Variants in SUSD4 observed in about 807,000 individuals in gnomAD.
The protein encoded by SUSD4 is sushi domain-containing protein 4.
Under a neutral mutation model 50.5 loss-of-function variants are expected in SUSD4, and 41 were observed. That is an observed-to-expected ratio of 0.81 (90% CI 0.63 to 1.05). SUSD4 has a LOEUF of 1.05. Ranked by LOEUF, SUSD4 falls within the 50% of genes least tolerant of loss-of-function variation. The pLI, the probability that SUSD4 is intolerant of heterozygous loss-of-function variation, is 0.00. For missense variants in SUSD4, 580 were observed against 634.7 expected (o/e 0.91, Z 0.93); for synonymous variants, 257 against 257.3 (o/e 1.00, Z 0.01).
At chr1:223,342,329 G>T (rs1667804362) in intron 2 of SUSD4, among the ~76,000 whole-genome samples, 1 of 152,186 alleles carries the variant, frequency 6.6e-6, no homozygotes, top group African/African-American at 2.4e-5. Flanking sequence ...TTAAAATAAT[G>T]GAGAGGGTTG....
At chr1:223,301,321 T>C (rs1215560893) in intron 2 of SUSD4, among the ~76,000 whole-genome samples, 1 of 152,196 alleles carries the variant, frequency 6.6e-6, no homozygotes, top group Non-Finnish European at 1.5e-5. Context: ...GACTTGTCAC[T>C]TAAAACATCC....
intron 2 of SUSD4, among the ~76,000 whole-genome samples, chr1:223,316,339 G>T (rs1449288510): frequency 6.6e-6 from 1 of 152,140 alleles, no homozygotes; most frequent in Non-Finnish European, 1.5e-5. Flanking sequence ...TCTGATGGGG[G>T]TGCCGAAATA....
At chr1:223,354,340 CAA>C (rs202177795) in intron 2 of SUSD4, among the ~76,000 whole-genome samples, 8,175 of 134,250 alleles carry the variant, frequency 0.061, 278 homozygotes, top group East Asian at 0.13. Flanking sequence ...CCTCAGCCTC[CAA>C]AAAAAAAAAA....
chr1:223,295,434 T>C (rs1048648549), intron 2 of SUSD4, among the ~76,000 whole-genome samples: 4 of 152,076 alleles, frequency 2.6e-5, no homozygotes, highest in African/African-American at 9.7e-5. Flanking sequence ...TCTCATAATG[T>C]TGGGGTGGGG....
At chr1:223,351,759 G>A (rs1668380263) in intron 2 of SUSD4, among the ~76,000 whole-genome samples, 1 of 152,024 alleles carries the variant, frequency 6.6e-6, no homozygotes, top group East Asian at 1.9e-4. Flanking sequence ...TCATGTGAAC[G>A]TGTGGCCATC....
intron 4 of SUSD4, 91 bp from the exon 5 acceptor site, chr1:223,264,909 C>T: frequency 4.5e-6 from 6 of 1,337,112 alleles, no homozygotes; most frequent in Non-Finnish European, 6.1e-6. Context: ...TTTTAGGATT[C>T]CCCCACCTCT....
intron 2 of SUSD4, among the ~76,000 whole-genome samples, chr1:223,322,122 T>C (rs1666606642): frequency 7.5e-6 from 1 of 133,312 alleles, no homozygotes; most frequent in Non-Finnish European, 1.6e-5. Context: ...GCTTAGCCTG[T>C]AATAACACTA....
At chr1:223,224,662 G>C (rs1422193150) in intron 7 of SUSD4, among the ~76,000 whole-genome samples, 1 of 152,080 alleles carries the variant, frequency 6.6e-6, no homozygotes, top group East Asian at 1.9e-4. Context: ...CATGTCTGCA[G>C]GGCTCCCTCA....
intron 4 of SUSD4, among the ~76,000 whole-genome samples, chr1:223,268,024 TATATATATATATATATATACAC>T (rs1456150917): frequency 2.4e-5 from 2 of 83,620 alleles, no homozygotes; most frequent in Admixed American, 2.3e-4. Flanking sequence ...TATATATATA[TATATATATATATATATATACAC>T]ACACACTGTT....
intron 7 of SUSD4, among the ~76,000 whole-genome samples, chr1:223,224,189 T>C (rs1488610508): frequency 6.6e-6 from 1 of 152,122 alleles, no homozygotes; most frequent in African/African-American, 2.4e-5. Flanking sequence ...ATAAAAATGT[T>C]AGCCACATGT....
intron 5 of SUSD4, among the ~76,000 whole-genome samples, chr1:223,252,445 C>T (rs1661398646): frequency 6.6e-6 from 1 of 151,584 alleles, no homozygotes. Flanking sequence ...TAGAGTCCCC[C>T]ACAGCTAACT....
intron 2 of SUSD4, among the ~76,000 whole-genome samples, chr1:223,328,105 A>G (rs1666979577): frequency 6.6e-6 from 1 of 152,208 alleles, no homozygotes; most frequent in Admixed American, 6.5e-5. Flanking sequence ...AAAAAAAAAA[A>G]AAAGTTTTTA....
At chr1:223,354,157 A>G (rs978448537) in intron 2 of SUSD4, among the ~76,000 whole-genome samples, 9 of 152,202 alleles carry the variant, frequency 5.9e-5, no homozygotes, top group African/African-American at 2.2e-4. Flanking sequence ...GGCTCTGTCA[A>G]CTTTCTGTTC....
intron 3 of SUSD4, among the ~76,000 whole-genome samples, chr1:223,288,084 C>T (rs1234170020): frequency 6.6e-6 from 1 of 152,100 alleles, no homozygotes; most frequent in East Asian, 1.9e-4. Context: ...GTCATAACCA[C>T]CTCATATGGT....
At chr1:223,351,068 A>C (rs1668336879) in intron 2 of SUSD4, among the ~76,000 whole-genome samples, 1 of 152,258 alleles carries the variant, frequency 6.6e-6, no homozygotes, top group Non-Finnish European at 1.5e-5. Context: ...TTTAATTCTC[A>C]CAACAGTTCT....
intron 3 of SUSD4, among the ~76,000 whole-genome samples, chr1:223,269,082 G>A (rs1034626277): frequency 1.3e-5 from 2 of 152,210 alleles, no homozygotes; most frequent in Non-Finnish European, 2.9e-5. Flanking sequence ...TGATGGGCTA[G>A]TCTCACAGCT....
rs890749248 is a variant in SUSD4, at chr1:223,268,406, C to G, written c.535+96G>C. 3.0e-5 allele frequency: 44 copies of G among 1,460,496 alleles called. No individual in the cohort carries two copies. In the East Asian group the frequency reaches 9.8e-4, roughly 33 times the overall value. 90.5% of individuals were successfully genotyped at this position (1,460,496 alleles called of 1,614,324 possible). ...AGATGGCTTTGTTCATTTCGCCCAT[C>G]ATCTCTATCACTTTATTAGATAAAC... On this transcript the variant is annotated intron_variant, in intron 4 of 8. Transcript: ENST00000366878.
At chr1:223,310,963 T>C (rs879414995) in intron 2 of SUSD4, among the ~76,000 whole-genome samples, 7 of 152,144 alleles carry the variant, frequency 4.6e-5, no homozygotes, top group Non-Finnish European at 1.0e-4. Flanking sequence ...CTCTAAATCA[T>C]CTCCCTGCCT....
chr1:223,361,116 T>A (rs922486939), intron 2 of SUSD4, among the ~76,000 whole-genome samples: 1 of 152,222 alleles, frequency 6.6e-6, no homozygotes, highest in Non-Finnish European at 1.5e-5. Flanking sequence ...AGGTGACTTG[T>A]ATGCACATTA....
Sources: gnomAD v4.1 joint callset for allele counts (sites outside exome capture counted in the v4.1 genomes callset) on GRCh38, gnomAD v4.1.1 for gene constraint, MANE v1.5 for transcripts, NCBI Gene and HGNC (gene_info 2026-07-23, HGNC 2026-07-21) for gene names.